Variants in CERS3 observed in about 807,000 individuals in gnomAD.
CERS3 encodes the protein LAG1 homolog, ceramide synthase 3.
A neutral mutation model predicts 50.3 loss-of-function variants in CERS3; 33 were observed. That is an observed-to-expected ratio of 0.66 (90% CI 0.50 to 0.88). CERS3 has a LOEUF of 0.88. CERS3 is among the 40% of genes least tolerant of loss of function. The pLI is 0.00. For synonymous variants in CERS3, 176 were observed against 155.2 expected, an observed-to-expected ratio of 1.13 and a Z score of -0.99; for missense variants, 470 against 460.3, an observed-to-expected ratio of 1.02 and a Z score of -0.19.
chr15:100,430,944 A>C (rs1287241667), intron 11 of CERS3, among the ~76,000 whole-genome samples: 1 of 151,960 alleles, frequency 6.6e-6, no homozygotes, highest in African/African-American at 2.4e-5. Context: ...AATTTTCTAG[A>C]CCAGTGCTTC....
chr15:100,501,920 T>C (rs2036016527), intron 2 of CERS3, 70 bp from the exon 3 acceptor site: 2 of 1,495,632 alleles, frequency 1.3e-6, no homozygotes, highest in Admixed American at 1.8e-5. Context: ...TTGATCACCT[T>C]GGCTCAAAAT....
chr15:100,499,545 G>T (rs2035934598), intron 3 of CERS3, among the ~76,000 whole-genome samples: 1 of 152,060 alleles, frequency 6.6e-6, no homozygotes, highest in Non-Finnish European at 1.5e-5. Flanking sequence ...ATCTTAAATA[G>T]TTCTTGGCTA....
In CERS3 at chr15:100,413,557, CTATAT is replaced by C. The variant is rs1428145687; in HGVS notation, c.1000-10697_1000-10693del. 7.8e-3 allele frequency among the ~76,000 whole-genome samples: 946 copies of C among 122,058 alleles called. 11 individuals carry two copies. Among genetic ancestry groups the C allele is most frequent in the African/African-American group, 0.026 (897 of 34,330 alleles). 80.1% of individuals were successfully genotyped at this position (122,058 alleles called of 152,430 possible). ...CTATACTATACTATACTATACTATA[CTATAT>C]GCTCAATCTTAGTAATCAGTAAAAT... On this transcript the variant is annotated intron_variant, in intron 11 of 11. Transcript: ENST00000679737.
intron 11 of CERS3, among the ~76,000 whole-genome samples, chr15:100,440,472 C>T (rs180744966): frequency 1.2e-3 from 189 of 152,322 alleles, no homozygotes; most frequent in African/African-American, 4.2e-3. Context: ...TACCCAAATC[C>T]TATAAAACGG....
chr15:100,455,477 C>T (rs2034335338), intron 11 of CERS3, among the ~76,000 whole-genome samples: 1 of 152,124 alleles, frequency 6.6e-6, no homozygotes, highest in Admixed American at 6.5e-5. Flanking sequence ...GTTCCCAACA[C>T]TTAGAGATGA....
chr15:100,407,668 GA>G (rs995475135), intron 11 of CERS3, among the ~76,000 whole-genome samples: 3 of 150,528 alleles, frequency 2.0e-5, no homozygotes, highest in Non-Finnish European at 4.4e-5. Flanking sequence ...AAATATTCAG[GA>G]AAAAAAAAGA....
intron 10 of CERS3, among the ~76,000 whole-genome samples, chr15:100,468,886 T>A (rs190255564): frequency 1.3e-5 from 2 of 152,140 alleles, no homozygotes; most frequent in East Asian, 1.9e-4. Flanking sequence ...TAAACAAGTA[T>A]CAGTTTTCCT....
intron 2 of CERS3, among the ~76,000 whole-genome samples, chr15:100,513,201 C>G (rs1299841476): frequency 2.0e-5 from 3 of 152,182 alleles, no homozygotes; most frequent in African/African-American, 7.2e-5. Flanking sequence ...CAGCCCCTTC[C>G]TAACCTAAAT....
At chr15:100,459,732 G>A (rs1237928946) in intron 10 of CERS3, among the ~76,000 whole-genome samples, 1 of 152,116 alleles carries the variant, frequency 6.6e-6, no homozygotes, top group Non-Finnish European at 1.5e-5. Context: ...TTATATTCTT[G>A]CACCCAATAT....
intron 11 of CERS3, among the ~76,000 whole-genome samples, chr15:100,412,855 A>G (rs2031594417): frequency 6.6e-6 from 1 of 152,188 alleles, no homozygotes. Context: ...TAAGAGAAAA[A>G]TTAAGTTTTC....
chr15:100,483,768 A>ATT (rs397943802), intron 5 of CERS3, among the ~76,000 whole-genome samples: 1 of 132,420 alleles, frequency 7.6e-6, no homozygotes. Flanking sequence ...GATCAATAAT[A>ATT]ATAATAATTA....
chr15:100,416,129 A>G (rs1024918520), intron 11 of CERS3, among the ~76,000 whole-genome samples: 21 of 101,216 alleles, frequency 2.1e-4, no homozygotes, highest in Admixed American at 1.1e-3. Flanking sequence ...CAGAATTAGA[A>G]AAATTATAAA....
At chr15:100,417,491 G>A (rs1192907631) in intron 11 of CERS3, among the ~76,000 whole-genome samples, 4 of 152,024 alleles carry the variant, frequency 2.6e-5, no homozygotes, top group Non-Finnish European at 2.9e-5. Flanking sequence ...CAAGGCAGCA[G>A]CGAGGCTGGG....
chr15:100,430,346 C>A (rs1481062145), intron 11 of CERS3, among the ~76,000 whole-genome samples: 1 of 151,570 alleles, frequency 6.6e-6, no homozygotes, highest in East Asian at 1.9e-4. Context: ...AAAACAAAAA[C>A]AAAAACAAAA....
chr15:100,467,297 AAAT>A (rs10617373), intron 10 of CERS3, among the ~76,000 whole-genome samples: 147,032 of 151,362 alleles, frequency 0.97, 71,560 homozygotes, highest in Middle Eastern at 1. Context: ...GAACCATGAG[AAAT>A]AATAATAATA....
intron 11 of CERS3, among the ~76,000 whole-genome samples, chr15:100,429,107 A>C (rs2032982945): frequency 6.6e-6 from 1 of 152,244 alleles, no homozygotes; most frequent in African/African-American, 2.4e-5. Flanking sequence ...ATGGTCAGAA[A>C]TTCAAATTCA....
At chr15:100,439,682 G>T (rs1462199571) in intron 11 of CERS3, among the ~76,000 whole-genome samples, 1 of 152,196 alleles carries the variant, frequency 6.6e-6, no homozygotes, top group African/African-American at 2.4e-5. Flanking sequence ...CCTTTGCAAT[G>T]CAACTATGCC....
intron 8 of CERS3, among the ~76,000 whole-genome samples, chr15:100,474,077 G>A (rs1376695509): frequency 6.6e-6 from 1 of 152,168 alleles, no homozygotes; most frequent in Non-Finnish European, 1.5e-5. Flanking sequence ...ATATCCAGAA[G>A]AGGCACATCT....
At chr15:100,502,693 G>C (rs2142333041) in intron 2 of CERS3, among the ~76,000 whole-genome samples, 2 of 152,320 alleles carry the variant, frequency 1.3e-5, no homozygotes, top group African/African-American at 4.8e-5. Flanking sequence ...GAAGAGCCGT[G>C]CTGAGCACTG....
Sources: gnomAD v4.1 joint callset for allele counts (sites outside exome capture counted in the v4.1 genomes callset) on GRCh38, gnomAD v4.1.1 for gene constraint, MANE v1.5 for transcripts, NCBI Gene and HGNC (gene_info 2026-07-23, HGNC 2026-07-21) for gene names.